Variants in ASB4 observed in about 807,000 individuals in gnomAD.
ASB4 encodes the protein ankyrin repeat and SOCS box containing 4.
Under a neutral mutation model 38.6 loss-of-function variants are expected in ASB4, and 35 were observed. The ratio of observed to expected loss-of-function variants is 0.91; its 90% confidence interval spans 0.69 to 1.20. The LOEUF (loss-of-function observed/expected upper bound fraction) is 1.20, where lower values mean the gene tolerates loss of function less well. ASB4 is among the 50% of genes most tolerant of loss of function. ASB4 has a pLI of 0.00. For missense variants in ASB4, 557 were observed against 527.2 expected (o/e 1.06, Z -0.55); for synonymous variants, 195 against 201.3 (o/e 0.97, Z 0.26).
intron 1 of ASB4, among the ~76,000 whole-genome samples, chr7:95,494,244 A>G (rs899891426): frequency 4.6e-5 from 7 of 152,136 alleles, no homozygotes; most frequent in African/African-American, 1.7e-4. Flanking sequence ...GTAGTTCATC[A>G]TTTCTTGTAA....
At chr7:95,482,848 G>A (rs986386370), upstream of ASB4, among the ~76,000 whole-genome samples, 8 of 152,130 alleles carry the variant, frequency 5.3e-5, no homozygotes, top group Non-Finnish European at 1.0e-4. Context: ...CACTTCTTCC[G>A]GGGTTGAACT....
intron 2 of ASB4, 113 bp from the exon 3 acceptor site, chr7:95,527,700 A>AT: frequency 9.5e-7 from 1 of 1,057,990 alleles, no homozygotes; most frequent in Non-Finnish European, 1.3e-6. Flanking sequence ...TGGGGATAAT[A>AT]TACGGCAGTC....
chr7:95,479,882 G>T (rs1367053665), intron 1 of ASB4, among the ~76,000 whole-genome samples: 1 of 152,174 alleles, frequency 6.6e-6, no homozygotes, highest in African/African-American at 2.4e-5. Context: ...CATCTGAATA[G>T]GATGGCTTCC....
At chr7:95,498,959 G>A (rs753349775) in intron 2 of ASB4, among the ~76,000 whole-genome samples, 1 of 152,054 alleles carries the variant, frequency 6.6e-6, no homozygotes, top group Non-Finnish European at 1.5e-5. Flanking sequence ...GGCAATATAT[G>A]TATGGGTTTA....
At chr7:95,530,029 G>A (rs1278195010) in intron 3 of ASB4, among the ~76,000 whole-genome samples, 1 of 145,526 alleles carries the variant, frequency 6.9e-6, no homozygotes, top group Non-Finnish European at 1.5e-5. Context: ...CTTTCTAGTG[G>A]GAGACAGGAA....
the ASB4 span, among the ~76,000 whole-genome samples, chr7:95,545,988 A>G: frequency 6.6e-6 from 1 of 152,220 alleles, no homozygotes; most frequent in Admixed American, 6.5e-5. Context: ...TTATTGAGAT[A>G]ATATAGCTGA....
At chr7:95,525,791 C>T (rs1387601566) in intron 2 of ASB4, among the ~76,000 whole-genome samples, 1 of 152,202 alleles carries the variant, frequency 6.6e-6, no homozygotes, top group African/African-American at 2.4e-5. Flanking sequence ...GGGCAGAATA[C>T]TGATAAACAC....
upstream of ASB4, among the ~76,000 whole-genome samples, chr7:95,475,977 A>G (rs1220504023): frequency 6.6e-6 from 1 of 152,224 alleles, no homozygotes; most frequent in Non-Finnish European, 1.5e-5. Flanking sequence ...TCAAGATCCC[A>G]AGATCCTATT....
chr7:95,527,519 C>T (rs1289530101), intron 2 of ASB4, among the ~76,000 whole-genome samples: 2 of 151,980 alleles, frequency 1.3e-5, no homozygotes, highest in Admixed American at 1.3e-4. Context: ...TTTCCAAATC[C>T]ACCTGGGAGT....
intron 1 of ASB4, among the ~76,000 whole-genome samples, chr7:95,488,435 A>C (rs1790124002): frequency 6.6e-6 from 1 of 152,238 alleles, no homozygotes; most frequent in Non-Finnish European, 1.5e-5. Flanking sequence ...AAAGTTAGGA[A>C]TGGAAATGAC....
intron 2 of ASB4, among the ~76,000 whole-genome samples, chr7:95,515,982 C>A (rs147121041): frequency 6.0e-4 from 92 of 152,316 alleles, no homozygotes; most frequent in African/African-American, 1.9e-3. Flanking sequence ...TCACTCCAGT[C>A]CTGCCTCCAT....
At chr7:95,546,448 G>A in the ASB4 span, among the ~76,000 whole-genome samples, 1 of 152,022 alleles carries the variant, frequency 6.6e-6, no homozygotes. Flanking sequence ...TTGGAGCAAG[G>A]TTGACTCATT....
At chr7:95,491,752 G>A (rs1257085152) in intron 1 of ASB4, among the ~76,000 whole-genome samples, 1 of 152,156 alleles carries the variant, frequency 6.6e-6, no homozygotes, top group Non-Finnish European at 1.5e-5. Context: ...TTTACCTGGG[G>A]TTTGGTCCTC....
intron 1 of ASB4, among the ~76,000 whole-genome samples, chr7:95,480,831 T>G (rs998902523): frequency 6.6e-6 from 1 of 152,238 alleles, no homozygotes; most frequent in Non-Finnish European, 1.5e-5. Flanking sequence ...TTATTTGCTA[T>G]GCAGCAAAAG....
upstream of ASB4, among the ~76,000 whole-genome samples, chr7:95,481,421 C>T (rs967995306): frequency 6.6e-6 from 1 of 151,992 alleles, no homozygotes; most frequent in African/African-American, 2.4e-5. Flanking sequence ...AGAAGTATAA[C>T]AGATGAGAAG....
intron 2 of ASB4, among the ~76,000 whole-genome samples, chr7:95,504,112 A>G (rs1035970720): frequency 1.3e-5 from 2 of 152,182 alleles, no homozygotes; most frequent in Admixed American, 6.5e-5. Flanking sequence ...GGGCAGGTTT[A>G]GGTGGCTGCT....
chr7:95,549,359 C>T, the ASB4 span, among the ~76,000 whole-genome samples: 1 of 139,458 alleles, frequency 7.2e-6, no homozygotes, highest in Admixed American at 7.4e-5. Context: ...TGCAGTGGTG[C>T]GATCTCCACT....
intron 2 of ASB4, among the ~76,000 whole-genome samples, chr7:95,499,179 T>A (rs1790295023): frequency 6.6e-6 from 1 of 152,186 alleles, no homozygotes; most frequent in Non-Finnish European, 1.5e-5. Context: ...AGTATAGATT[T>A]CAGAACAGAG....
intron 1 of ASB4, among the ~76,000 whole-genome samples, chr7:95,495,227 G>A (rs553526730): frequency 4.0e-4 from 61 of 152,220 alleles, no homozygotes; most frequent in Non-Finnish European, 7.4e-4. Context: ...TAAAATCTTG[G>A]AGTGATAATT....
Sources: allele counts gnomAD v4.1 joint callset (sites outside exome capture counted in the v4.1 genomes callset), GRCh38; gene constraint gnomAD v4.1.1; transcripts MANE v1.5; gene names NCBI Gene and HGNC (gene_info 2026-07-23, HGNC 2026-07-21).